OR51B5: variants seen among roughly 807,000 people sequenced by gnomAD.
OR51B5 encodes the protein olfactory receptor 51B5.
For missense variants in OR51B5, 456 were observed against 374.6 expected (o/e 1.22, Z -1.79); for synonymous variants, 186 against 144.8 (o/e 1.28, Z -2.04).
chr11:5,487,582 G>C (rs1851516350), intron 1 of OR51B5, among the ~76,000 whole-genome samples: 3 of 152,096 alleles, frequency 2.0e-5, no homozygotes, highest in Non-Finnish European at 4.4e-5. Flanking sequence ...CAGATTTCCT[G>C]GCATTTCTAC....
chr11:5,456,871 A>C (rs1850967827), intron 1 of OR51B5, among the ~76,000 whole-genome samples: 1 of 152,134 alleles, frequency 6.6e-6, no homozygotes, highest in Admixed American at 6.5e-5. Context: ...ATAGTGAGTG[A>C]GTTCTCATGA....
intron 1 of OR51B5, among the ~76,000 whole-genome samples, chr11:5,378,075 A>G (rs1589963015): frequency 6.6e-6 from 1 of 152,118 alleles, no homozygotes; most frequent in Admixed American, 6.5e-5. Flanking sequence ...ACAAGGCTAC[A>G]GTAACCAAAA....
chr11:5,445,054 CA>C (rs1219784806), intron 1 of OR51B5, among the ~76,000 whole-genome samples: 1 of 152,068 alleles, frequency 6.6e-6, no homozygotes, highest in Non-Finnish European at 1.5e-5. Context: ...CAGATAAATA[CA>C]AATATACTCA....
intron 1 of OR51B5, among the ~76,000 whole-genome samples, chr11:5,436,937 C>T (rs1165086727): frequency 1.3e-5 from 2 of 152,114 alleles, no homozygotes; most frequent in African/African-American, 4.8e-5. Flanking sequence ...CTCAGGTGGG[C>T]ACCAGCCAAG....
At chr11:5,369,537 A>AT (rs1216576231) in intron 1 of OR51B5, among the ~76,000 whole-genome samples, 1 of 152,226 alleles carries the variant, frequency 6.6e-6, no homozygotes, top group East Asian at 1.9e-4. Context: ...TATTTTTAAA[A>AT]TTTTCCATTC....
At chr11:5,345,106 C>T (rs1848970165), upstream of OR51B5, among the ~76,000 whole-genome samples, 1 of 152,156 alleles carries the variant, frequency 6.6e-6, no homozygotes, top group Non-Finnish European at 1.5e-5. Flanking sequence ...GTCATAGGGC[C>T]TTACAGACCA....
intron 1 of OR51B5, among the ~76,000 whole-genome samples, chr11:5,496,156 G>A (rs1381863337): frequency 1.3e-5 from 2 of 151,900 alleles, no homozygotes; most frequent in Admixed American, 6.6e-5. Context: ...AGTCCACGTT[G>A]ACTCTCAATG....
At chr11:5,503,069 T>C (rs943820714) in intron 1 of OR51B5, among the ~76,000 whole-genome samples, 1 of 152,228 alleles carries the variant, frequency 6.6e-6, no homozygotes, top group Non-Finnish European at 1.5e-5. Context: ...ATCATAGTTG[T>C]ATTAAAATAT....
chr11:5,379,815 T>C (rs1849584049), intron 1 of OR51B5, among the ~76,000 whole-genome samples: 3 of 152,086 alleles, frequency 2.0e-5, no homozygotes, highest in Admixed American at 2.0e-4. Context: ...TTCCCATGAG[T>C]CTGGCTTTCT....
At chr11:5,404,262 G>A (rs374324189) in intron 1 of OR51B5, among the ~76,000 whole-genome samples, 1 of 152,152 alleles carries the variant, frequency 6.6e-6, no homozygotes, top group Non-Finnish European at 1.5e-5. Context: ...CTAAAGGTTT[G>A]TAAACACACC....
At chr11:5,409,751 G>A (rs576316590) in intron 1 of OR51B5, among the ~76,000 whole-genome samples, 1 of 152,262 alleles carries the variant, frequency 6.6e-6, no homozygotes, top group East Asian at 1.9e-4. Context: ...TATTTCAAGA[G>A]ATAATGGTTG....
intron 1 of OR51B5, among the ~76,000 whole-genome samples, chr11:5,377,465 A>G (rs1269271528): frequency 6.6e-6 from 1 of 152,190 alleles, no homozygotes; most frequent in Non-Finnish European, 1.5e-5. Flanking sequence ...GGCCAGGGCA[A>G]TTAGGCAGAA....
intron 1 of OR51B5, among the ~76,000 whole-genome samples, chr11:5,502,798 T>C (rs1846315229): frequency 6.6e-6 from 1 of 152,220 alleles, no homozygotes; most frequent in Non-Finnish European, 1.5e-5. Flanking sequence ...GCAAAGGCTA[T>C]AGAACAGTGC....
upstream of OR51B5, among the ~76,000 whole-genome samples, chr11:5,344,439 T>C (rs578225062): frequency 3.9e-5 from 6 of 152,294 alleles, no homozygotes; most frequent in African/African-American, 1.4e-4. Flanking sequence ...TCCATCTTCC[T>C]GGTTTCCTTC....
intron 1 of OR51B5, among the ~76,000 whole-genome samples, chr11:5,368,523 C>A (rs1398694406): frequency 6.6e-6 from 1 of 152,038 alleles, no homozygotes; most frequent in Non-Finnish European, 1.5e-5. Context: ...GACCTTTGGG[C>A]TGAGAAGATA....
upstream of OR51B5, among the ~76,000 whole-genome samples, chr11:5,345,240 C>T (rs569319766): frequency 5.9e-5 from 9 of 152,144 alleles, no homozygotes; most frequent in South Asian, 1.9e-3. Flanking sequence ...TTTTAAATTA[C>T]TCACTTAGAC....
At chr11:5,393,525 A>C (rs139579658) in intron 1 of OR51B5, among the ~76,000 whole-genome samples, 390 of 152,234 alleles carry the variant, frequency 2.6e-3, no homozygotes, top group African/African-American at 8.9e-3. Flanking sequence ...TTTCTGAAGA[A>C]GACATTTCGG....
At chr11:5,423,388 A>G (rs1328055170) in intron 1 of OR51B5, among the ~76,000 whole-genome samples, 3 of 152,176 alleles carry the variant, frequency 2.0e-5, no homozygotes, top group Admixed American at 6.5e-5. Context: ...AGCTATCCCA[A>G]CGGGAGGATT....
chr11:5,373,331 A>T (rs181430947), intron 1 of OR51B5, among the ~76,000 whole-genome samples: 93 of 152,310 alleles, frequency 6.1e-4, no homozygotes, highest in African/African-American at 2.1e-3. Flanking sequence ...TTTCACAAAT[A>T]AAGTTCCAGT....
Sources: gnomAD v4.1 joint callset for allele counts (sites outside exome capture counted in the v4.1 genomes callset) on GRCh38, gnomAD v4.1.1 for gene constraint, MANE v1.5 for transcripts, NCBI Gene and HGNC (gene_info 2026-07-23, HGNC 2026-07-21) for gene names.